Variants in PRELID3A observed in about 807,000 individuals in gnomAD.
The protein encoded by PRELID3A is PRELI domain containing 3A.
PRELID3A carries 27 observed loss-of-function variants against 23.0 expected under a neutral mutation model. That is an observed-to-expected ratio of 1.17 (90% CI 0.87 to 1.62). The LOEUF (loss-of-function observed/expected upper bound fraction) is 1.62. Ranked by LOEUF, PRELID3A falls within the 40% of genes most tolerant of loss-of-function variation. The probability of loss-of-function intolerance (pLI) is 0.00; values close to 1 mark genes in which losing one functional copy is unlikely to be tolerated. For synonymous variants in PRELID3A, 87 were observed against 86.4 expected (o/e 1.01, Z -0.04); for missense variants, 231 against 231.4 (o/e 1.00, Z 0.01).
intron 3 of PRELID3A, among the ~76,000 whole-genome samples, chr18:12,421,871 AG>A (rs1294213626): frequency 6.6e-6 from 1 of 152,212 alleles, no homozygotes; most frequent in Non-Finnish European, 1.5e-5. Context: ...TTCAAGCAAC[AG>A]AATTTGACCA....
At chr18:12,430,948 T>G (rs1285123054) in intron 6 of PRELID3A, among the ~76,000 whole-genome samples, 1 of 151,404 alleles carries the variant, frequency 6.6e-6, no homozygotes, top group South Asian at 2.1e-4. Flanking sequence ...TATTGTGTGC[T>G]GTGTGTGATT....
At chr18:12,424,194 C>G (rs1419268984) in intron 3 of PRELID3A, among the ~76,000 whole-genome samples, 1 of 152,186 alleles carries the variant, frequency 6.6e-6, no homozygotes, top group East Asian at 1.9e-4. Context: ...CCCCCAAAAC[C>G]AATATTTACT....
Position 12,427,058 on chromosome 18 carries a change from G to C in PRELID3A, c.309G>C (p.Leu103Phe). ...TTTTTAAGATCACACTCACAAATTT[G>C]GTGTCAGTTAATGAGAGGTTGGTGT... ...LCSTNITLTN[L>F]VSVNERLVYT... Residue 103 changes from leucine to phenylalanine, a missense_variant, in exon 4 of 7, where the codon TTG (leucine) becomes TTC (phenylalanine). By Grantham distance (22) the Leu-to-Phe change is conservative. Transcript: ENST00000440960. 6.2e-7 allele frequency: 1 copy of C among 1,612,106 alleles called. No homozygotes were observed.
At chr18:12,428,771 C>A (rs1045369055) in intron 5 of PRELID3A, among the ~76,000 whole-genome samples, 1 of 152,136 alleles carries the variant, frequency 6.6e-6, no homozygotes, top group Non-Finnish European at 1.5e-5. Flanking sequence ...TGGCTTAGGG[C>A]AGAAGCCCTA....
intron 1 of PRELID3A, among the ~76,000 whole-genome samples, chr18:12,411,992 G>C (rs1414531459): frequency 6.7e-6 from 1 of 148,592 alleles, no homozygotes; most frequent in Non-Finnish European, 1.5e-5. Context: ...CTCACTGCAA[G>C]CTCCGCCTCC....
chr18:12,414,904 A>G (rs1598856522), intron 1 of PRELID3A, among the ~76,000 whole-genome samples: 2 of 152,086 alleles, frequency 1.3e-5, no homozygotes, highest in Non-Finnish European at 2.9e-5. Context: ...CAGGCCTACT[A>G]TCTTGTTTTT....
rs1425182288 is a variant in PRELID3A at position 12,407,948 on chromosome 18, G to T, written c.-28G>T. 3.1e-6 allele frequency: 4 copies of T among 1,291,836 alleles called. No individual in the cohort carries two copies. Among genetic ancestry groups the T allele is most frequent in the Admixed American group, 4.0e-5 (1 of 24,816 alleles). 80.0% of individuals were successfully genotyped at this position (1,291,836 alleles called of 1,614,324 possible). On this transcript the variant is annotated 5_prime_UTR_variant, in exon 1 of 7. Coordinates refer to ENST00000440960, the MANE Select transcript of PRELID3A (RefSeq NM_001142405.2). Reference sequence around the variant, plus strand: ...CGGCCCGAAGCACCCGGCCCGGATCGCAGAGCCCGCGCCCTGCGCCGGCGG... The same window carrying T: ...CGGCCCGAAGCACCCGGCCCGGATCTCAGAGCCCGCGCCCTGCGCCGGCGG...
intron 2 of PRELID3A, 124 bp from the exon 3 acceptor site, chr18:12,421,416 C>T: frequency 1.4e-6 from 1 of 692,624 alleles, no homozygotes; most frequent in South Asian, 1.7e-5. Context: ...GTCTCTGTCC[C>T]TTGCTGCATC....
chr18:12,419,251 G>A (rs376215038), intron 1 of PRELID3A, among the ~76,000 whole-genome samples: 10 of 151,478 alleles, frequency 6.6e-5, no homozygotes, highest in South Asian at 4.2e-4. Flanking sequence ...GCTTGTACCC[G>A]GGTGGTGGAG....
chr18:12,411,912 C>CTTTT (rs773964175), intron 1 of PRELID3A, among the ~76,000 whole-genome samples: 4 of 138,096 alleles, frequency 2.9e-5, no homozygotes, highest in Non-Finnish European at 4.7e-5. Flanking sequence ...TCTTTTCTTT[C>CTTTT]TTTTTTTTTT....
intron 1 of PRELID3A, among the ~76,000 whole-genome samples, chr18:12,415,980 C>T (rs1011316008): frequency 3.3e-5 from 5 of 152,236 alleles, no homozygotes; most frequent in African/African-American, 1.2e-4. Flanking sequence ...CCACGAACAG[C>T]AGCAGAGGAG....
chr18:12,412,060 G>A (rs574794339), intron 1 of PRELID3A, among the ~76,000 whole-genome samples: 42 of 151,952 alleles, frequency 2.8e-4, no homozygotes, highest in East Asian at 9.7e-4. Context: ...ACAGGCGCCC[G>A]CCACCACGCC....
At chr18:12,418,583 T>C (rs529500298) in intron 1 of PRELID3A, among the ~76,000 whole-genome samples, 3 of 152,366 alleles carry the variant, frequency 2.0e-5, no homozygotes, top group African/African-American at 4.8e-5. Flanking sequence ...ATACATATGC[T>C]GGACAAACCT....
intron 6 of PRELID3A, among the ~76,000 whole-genome samples, chr18:12,430,263 A>G (rs1279603078): frequency 6.6e-6 from 1 of 151,988 alleles, no homozygotes; most frequent in African/African-American, 2.4e-5. Context: ...GGCATCCTGT[A>G]TCTGTGTGGT....
At chr18:12,418,143 C>T (rs2030023334) in intron 1 of PRELID3A, among the ~76,000 whole-genome samples, 1 of 152,180 alleles carries the variant, frequency 6.6e-6, no homozygotes, top group Non-Finnish European at 1.5e-5. Context: ...CTTCAGTATC[C>T]TCATAATCTT....
In PRELID3A at chr18:12,420,494, G is replaced by A; in HGVS notation, c.201+1G>A. ...GGGGCTGCCCAGCCTCGTGAGAGCG[G>A]TGAGCGGGGCGGGGGCTGCGGCTCC... On this transcript the variant is annotated splice_donor_variant, in intron 2 of 6. Coordinates refer to ENST00000440960, the MANE Select transcript of PRELID3A (RefSeq NM_001142405.2). LOFTEE classifies it high-confidence loss of function. 4 of 1,531,626 alleles carry A rather than the reference G, an allele frequency of 2.6e-6. No individual in the cohort carries two copies. Among genetic ancestry groups the A allele is most frequent in the Non-Finnish European group, 3.5e-6 (4 of 1,138,180 alleles). 94.9% of individuals were successfully genotyped at this position (1,531,626 alleles called of 1,614,324 possible). A position where few individuals can be genotyped will look rare whatever the true frequency, so the allele number is the denominator to read the frequency against.
At chr18:12,420,063 C>G (rs889638783) in intron 1 of PRELID3A, 2 of 1,301,222 alleles carry the variant, frequency 1.5e-6, no homozygotes, top group African/African-American at 3.0e-5. Context: ...GATGGCACCA[C>G]TGCATTCCTG....
intron 2 of PRELID3A, 45 bp downstream of exon 2, chr18:12,420,538 C>A (rs929086471): frequency 4.8e-6 from 7 of 1,458,210 alleles, no homozygotes; most frequent in African/African-American, 1.5e-5. Flanking sequence ...CCGACTCCCC[C>A]ACTCCCGCCC....
At chr18:12,422,908 A>G (rs959100233) in intron 3 of PRELID3A, among the ~76,000 whole-genome samples, 11 of 152,336 alleles carry the variant, frequency 7.2e-5, no homozygotes, top group African/African-American at 2.4e-4. Context: ...TCTAGCCACC[A>G]CTATTTACTG....
Sources: gnomAD v4.1 joint callset for allele counts (sites outside exome capture counted in the v4.1 genomes callset) on GRCh38, gnomAD v4.1.1 for gene constraint, MANE v1.5 for transcripts, NCBI Gene and HGNC (gene_info 2026-07-23, HGNC 2026-07-21) for gene names.